R3HDM1: variants seen among roughly 807,000 people sequenced by gnomAD.
R3HDM1 encodes the protein R3H domain containing 1.
A neutral mutation model predicts 141.1 loss-of-function variants in R3HDM1; 46 were observed. That is an observed-to-expected ratio of 0.33 (90% CI 0.26 to 0.42). The LOEUF is 0.42. R3HDM1 is among the 10% of genes least tolerant of loss of function. The pLI, the probability that R3HDM1 is intolerant of heterozygous loss-of-function variation, is 1.00. For missense variants in R3HDM1, 1,184 were observed against 1,368.3 expected, an observed-to-expected ratio of 0.87 and a Z score of 2.12; for synonymous variants, 435 against 472.9, an observed-to-expected ratio of 0.92 and a Z score of 1.04.
intron 1 of R3HDM1, among the ~76,000 whole-genome samples, chr2:135,573,014 G>A (rs974965951): frequency 3.7e-4 from 56 of 152,150 alleles, no homozygotes; most frequent in African/African-American, 1.3e-3. Context: ...GGAGGAATTA[G>A]GAGGCAATAG....
chr2:135,700,312 G>A (rs1321955964), intron 21 of R3HDM1, among the ~76,000 whole-genome samples: 1 of 152,184 alleles, frequency 6.6e-6, no homozygotes, highest in Non-Finnish European at 1.5e-5. Context: ...TTCTCAGATA[G>A]TGGGACCAGT....
At chr2:135,716,015 T>C (rs1010090064) in intron 24 of R3HDM1, among the ~76,000 whole-genome samples, 6 of 152,224 alleles carry the variant, frequency 3.9e-5, no homozygotes, top group Non-Finnish European at 5.9e-5. Context: ...TAATTTCTAC[T>C]TAGAGTAATA....
At chr2:135,646,430 C>T (rs1313361188) in intron 16 of R3HDM1, among the ~76,000 whole-genome samples, 4 of 151,748 alleles carry the variant, frequency 2.6e-5, no homozygotes, top group South Asian at 2.1e-4. Flanking sequence ...CCACCGCGCC[C>T]GGCCTATTCT....
At chr2:135,620,644 A>C (rs2061438125) in intron 5 of R3HDM1, 1 of 977,774 alleles carries the variant, frequency 1.0e-6, no homozygotes. Context: ...AGTATAATTT[A>C]GTCTAAAAAT....
chr2:135,723,774 C>A (rs2076929945), intron 26 of R3HDM1, among the ~76,000 whole-genome samples, 163 bp from the exon 27 acceptor site: 2 of 83,526 alleles, frequency 2.4e-5, no homozygotes, highest in Non-Finnish European at 3.8e-5. Context: ...CAGACTCCAT[C>A]TCCCAAAAAA....
chr2:135,617,499 G>A (rs1269503268), intron 5 of R3HDM1, among the ~76,000 whole-genome samples: 1 of 151,794 alleles, frequency 6.6e-6, no homozygotes, highest in Non-Finnish European at 1.5e-5. Flanking sequence ...TGAATGCATG[G>A]TGAAACCAAT....
intron 1 of R3HDM1, among the ~76,000 whole-genome samples, chr2:135,565,486 C>G (rs186021124): frequency 5.5e-4 from 84 of 151,614 alleles, no homozygotes; most frequent in Non-Finnish European, 1.1e-3. Flanking sequence ...GCCATTGCAT[C>G]TAGTTCAAAA....
chr2:135,539,063 C>T (rs1400646333), intron 1 of R3HDM1, among the ~76,000 whole-genome samples: 1 of 152,114 alleles, frequency 6.6e-6, no homozygotes, highest in East Asian at 1.9e-4. Context: ...CTTGTCCCAC[C>T]GGAAGGTCTT....
chr2:135,700,899 G>A (rs781358462), intron 21 of R3HDM1, among the ~76,000 whole-genome samples: 1 of 152,114 alleles, frequency 6.6e-6, no homozygotes, highest in Non-Finnish European at 1.5e-5. Context: ...GAGGGTATAT[G>A]TTCCAGGATC....
At chr2:135,610,759 T>C (rs1214817751) in intron 3 of R3HDM1, among the ~76,000 whole-genome samples, 2 of 152,162 alleles carry the variant, frequency 1.3e-5, no homozygotes. Flanking sequence ...TAAAAGTCTC[T>C]TTATATAAAA....
rs1456612824 is a variant in R3HDM1 at position 135,635,884 on chromosome 2, T to G, written c.699-6T>G. 1 of 1,580,980 alleles carries G rather than the reference T, an allele frequency of 6.3e-7. No homozygotes were observed. The highest frequency in any genetic ancestry group is 1.2e-5 in the South Asian group (1 of 85,490). On this transcript the variant is annotated splice_region_variant and splice_polypyrimidine_tract_variant and intron_variant, in intron 9 of 26. Transcript: ENST00000683871. ...TGTTCCTTTGTTTTTGTTTTTGTTTTTTAAGACCTGATCAGAAATTTAATG... is the reference window on the plus strand; with the variant it reads ...TGTTCCTTTGTTTTTGTTTTTGTTTGTTAAGACCTGATCAGAAATTTAATG...
At chr2:135,636,892 A>G (rs1297570934) in intron 11 of R3HDM1, among the ~76,000 whole-genome samples, 1 of 152,212 alleles carries the variant, frequency 6.6e-6, no homozygotes, top group Non-Finnish European at 1.5e-5. Context: ...AGTAAGTGCT[A>G]TCCTAGGCAC....
intron 7 of R3HDM1, among the ~76,000 whole-genome samples, chr2:135,628,973 A>G (rs762566441): frequency 6.6e-6 from 1 of 151,968 alleles, no homozygotes; most frequent in Non-Finnish European, 1.5e-5. Flanking sequence ...CAGTAAGGCA[A>G]TATGTAAATT....
At chr2:135,662,723 A>G (rs932291944) in intron 19 of R3HDM1, among the ~76,000 whole-genome samples, 2 of 152,346 alleles carry the variant, frequency 1.3e-5, no homozygotes, top group East Asian at 3.9e-4. Flanking sequence ...GTTATTCTCT[A>G]TTCGTGGGAA....
At chr2:135,687,681 G>C (rs2071593225) in intron 21 of R3HDM1, among the ~76,000 whole-genome samples, 1 of 152,150 alleles carries the variant, frequency 6.6e-6, no homozygotes, top group East Asian at 1.9e-4. Context: ...AATTTTTTTA[G>C]TGTGACTTTT....
At chr2:135,616,622 C>T in intron 4 of R3HDM1, 46 bp from the exon 5 acceptor site, 1 of 1,461,352 alleles carries the variant, frequency 6.8e-7, no homozygotes, top group Non-Finnish European at 9.4e-7. Context: ...TTGGATATGC[C>T]CTAGATTTCT....
At chr2:135,603,380 T>TCC (rs373720149) in intron 2 of R3HDM1, among the ~76,000 whole-genome samples, 1 of 150,806 alleles carries the variant, frequency 6.6e-6, no homozygotes, top group African/African-American at 2.4e-5. Context: ...TTCACTGGTT[T>TCC]CCCCCCCGCC....
intron 21 of R3HDM1, among the ~76,000 whole-genome samples, chr2:135,685,394 TATAA>T (rs1472137817): frequency 6.6e-6 from 1 of 152,172 alleles, no homozygotes; most frequent in African/African-American, 2.4e-5. Context: ...AAATTGAGTT[TATAA>T]ATAGTTTTGA....
At chr2:135,564,665 G>T (rs1702400724) in intron 1 of R3HDM1, among the ~76,000 whole-genome samples, 1 of 152,108 alleles carries the variant, frequency 6.6e-6, no homozygotes, top group African/African-American at 2.4e-5. Flanking sequence ...GAGTGAGATT[G>T]GTCTCAAAGT....
Sources: allele counts gnomAD v4.1 joint callset (sites outside exome capture counted in the v4.1 genomes callset), GRCh38; gene constraint gnomAD v4.1.1; transcripts MANE v1.5; gene names NCBI Gene and HGNC (gene_info 2026-07-23, HGNC 2026-07-21).